The following SYCP1 variants were observed in gnomAD, a reference collection of about 807,000 sequenced individuals.
The protein encoded by SYCP1 is cancer/testis antigen 8.
SYCP1 carries 64 observed loss-of-function variants against 153.1 expected under a neutral mutation model. That is an observed-to-expected ratio of 0.42 (90% confidence interval 0.34 to 0.51). The LOEUF (loss-of-function observed/expected upper bound fraction) is 0.51. Ranked by LOEUF, SYCP1 falls within the 20% of genes least tolerant of loss-of-function variation. The pLI is 0.06. For synonymous variants in SYCP1, 384 were observed against 341.8 expected (o/e 1.12, Z -1.36); for missense variants, 997 against 1,049.0 (o/e 0.95, Z 0.68).
At chr1:114,923,656 C>T in intron 21 of SYCP1, 126 bp downstream of exon 21, 1 of 941,618 alleles carries the variant, frequency 1.1e-6, no homozygotes. Flanking sequence ...AGACTGTCAT[C>T]AGCCATCAAC....
At chr1:114,980,799 G>T (rs751138501) in intron 28 of SYCP1, among the ~76,000 whole-genome samples, 4 of 151,818 alleles carry the variant, frequency 2.6e-5, no homozygotes, top group Non-Finnish European at 5.9e-5. Context: ...TTTATTTTAA[G>T]TTCAGGGGTA....
At chr1:114,974,787 T>A (rs1672707931) in intron 27 of SYCP1, among the ~76,000 whole-genome samples, 1 of 151,902 alleles carries the variant, frequency 6.6e-6, no homozygotes, top group Admixed American at 6.6e-5. Context: ...AATGCTGTAA[T>A]GAATGTGAGT....
chr1:114,926,382 T>C, intron 22 of SYCP1, 42 bp downstream of exon 22: 1 of 1,502,576 alleles, frequency 6.7e-7, no homozygotes, highest in Non-Finnish European at 8.9e-7. Context: ...AAACTGATAT[T>C]TTCACCACAG....
At chr1:114,929,074 G>A (rs887128487) in intron 23 of SYCP1, among the ~76,000 whole-genome samples, 2 of 152,000 alleles carry the variant, frequency 1.3e-5, no homozygotes, top group Non-Finnish European at 2.9e-5. Context: ...TTTACAACGT[G>A]ACACTAATCC....
chr1:114,885,511 T>C (rs779472602), intron 12 of SYCP1, 24 bp from the exon 13 acceptor site: 5 of 1,352,806 alleles, frequency 3.7e-6, no homozygotes, highest in Non-Finnish European at 5.2e-6. Context: ...CTAAGTACTA[T>C]CTATTTATAA....
chr1:114,878,273 C>A, intron 12 of SYCP1, 71 bp downstream of exon 12: 2 of 1,068,052 alleles, frequency 1.9e-6, no homozygotes, highest in Non-Finnish European at 2.8e-6. Flanking sequence ...CATTGACTTT[C>A]ATTACAAGTT....
intron 20 of SYCP1, among the ~76,000 whole-genome samples, chr1:114,918,654 T>G (rs1668664708): frequency 6.6e-6 from 1 of 152,086 alleles, no homozygotes; most frequent in Non-Finnish European, 1.5e-5. Context: ...TTGTGTGTCC[T>G]CTTAAATTTC....
At chr1:114,948,216 A>G (rs1570836891) in intron 27 of SYCP1, among the ~76,000 whole-genome samples, 1 of 152,324 alleles carries the variant, frequency 6.6e-6, no homozygotes, top group East Asian at 1.9e-4. Context: ...GATTCACCCT[A>G]TAAATGACAA....
rs1461001484 is a variant in SYCP1 at position 114,994,791 on chromosome 1, G to A, written c.2793+4G>A. 1 of 1,584,094 alleles carries A rather than the reference G, an allele frequency of 6.3e-7. No individual in the cohort carries two copies. Reference sequence around the variant, plus strand: ...TTGTGTCAAAACACCAAAAAAGGTAGCTTTTAAATTTTATTTCAGAAAGCA... The same window carrying A: ...TTGTGTCAAAACACCAAAAAAGGTAACTTTTAAATTTTATTTCAGAAAGCA... On this transcript the variant is annotated splice_donor_region_variant and intron_variant, in intron 31 of 31. Transcript: ENST00000369522.
intron 6 of SYCP1, 108 bp from the exon 7 acceptor site, chr1:114,859,635 T>A (rs910396695): frequency 3.3e-5 from 16 of 490,922 alleles, no homozygotes; most frequent in African/African-American, 4.2e-5. Flanking sequence ...AGAAAATAAT[T>A]CTTTTAGACC....
chr1:114,914,438 A>C (rs1369851827), intron 20 of SYCP1, among the ~76,000 whole-genome samples: 1 of 151,690 alleles, frequency 6.6e-6, no homozygotes, highest in Non-Finnish European at 1.5e-5. Context: ...AATTATCTTT[A>C]TTTAGGTTTC....
At chr1:114,993,904 C>T (rs1358742964) in intron 30 of SYCP1, among the ~76,000 whole-genome samples, 1 of 151,064 alleles carries the variant, frequency 6.6e-6, no homozygotes, top group Non-Finnish European at 1.5e-5. Context: ...CAGGCCCTGG[C>T]AGTCACCATT....
intron 30 of SYCP1, among the ~76,000 whole-genome samples, chr1:114,988,039 C>T (rs145035953): frequency 7.0e-4 from 88 of 125,942 alleles, no homozygotes; most frequent in South Asian, 1.7e-3. Flanking sequence ...AATTGGTGAA[C>T]GTAAAGATAG....
chr1:114,912,554 C>G (rs970481772), intron 18 of SYCP1, among the ~76,000 whole-genome samples: 2 of 146,062 alleles, frequency 1.4e-5, no homozygotes, highest in Admixed American at 1.4e-4. Context: ...AAGTTAAATT[C>G]AGTTTTTTTT....
intron 23 of SYCP1, among the ~76,000 whole-genome samples, chr1:114,933,258 C>T (rs527678133): frequency 8.6e-4 from 131 of 152,306 alleles, no homozygotes; most frequent in African/African-American, 2.9e-3. Flanking sequence ...ATTCTGCAGC[C>T]TCCGCTGGTG....
At chr1:114,932,221 A>AT (rs1669679883) in intron 23 of SYCP1, among the ~76,000 whole-genome samples, 1 of 152,232 alleles carries the variant, frequency 6.6e-6, no homozygotes, top group Non-Finnish European at 1.5e-5. Context: ...AAAACTTGAA[A>AT]GATCTGTTTA....
intron 15 of SYCP1, among the ~76,000 whole-genome samples, chr1:114,890,015 C>A (rs1257277236): frequency 1.3e-5 from 2 of 151,912 alleles, no homozygotes; most frequent in African/African-American, 4.8e-5. Flanking sequence ...GGCTATTTGT[C>A]ATATTAAAAA....
intron 27 of SYCP1, among the ~76,000 whole-genome samples, chr1:114,952,722 T>G (rs1671190322): frequency 6.6e-6 from 1 of 152,132 alleles, no homozygotes; most frequent in Non-Finnish European, 1.5e-5. Context: ...CCACAACATG[T>G]GGGGATAATG....
At chr1:114,916,526 C>A (rs1484895962) in intron 20 of SYCP1, among the ~76,000 whole-genome samples, 1 of 151,662 alleles carries the variant, frequency 6.6e-6, no homozygotes, top group Admixed American at 6.6e-5. Context: ...AAGGATAAGT[C>A]ATTTTTGGTA....
Sources: gnomAD v4.1 joint callset for allele counts (sites outside exome capture counted in the v4.1 genomes callset) on GRCh38, gnomAD v4.1.1 for gene constraint, MANE v1.5 for transcripts, NCBI Gene and HGNC (gene_info 2026-07-23, HGNC 2026-07-21) for gene names.